WIPF3: variants seen among roughly 807,000 people sequenced by gnomAD.
WIPF3 encodes WAS/WASL-interacting protein family member 3.
WIPF3 carries 33 observed loss-of-function variants against 38.9 expected under a neutral mutation model. That is an observed-to-expected ratio of 0.85 (90% CI 0.64 to 1.14). The LOEUF (loss-of-function observed/expected upper bound fraction) is 1.14. Ranked by LOEUF, WIPF3 falls within the 50% of genes most tolerant of loss-of-function variation. The probability of loss-of-function intolerance (pLI) is 0.00; values close to 1 mark genes in which losing one functional copy is unlikely to be tolerated. For missense variants in WIPF3, 711 were observed against 652.5 expected (o/e 1.09, Z -0.98); for synonymous variants, 324 against 269.3 (o/e 1.20, Z -1.99).
intron 7 of WIPF3, 102 bp downstream of exon 7, chr7:29,889,509 T>C: frequency 2.4e-6 from 2 of 843,094 alleles, no homozygotes; most frequent in Non-Finnish European, 3.9e-6. Context: ...GATGATGTCA[T>C]GATTTCACTG....
rs984478842 is a variant in WIPF3 at position 29,834,822 on chromosome 7, CT to C, written c.90+15del. On this transcript the variant is annotated intron_variant, in intron 2 of 8. Coordinates refer to ENST00000242140, the MANE Select transcript of WIPF3 (RefSeq NM_001080529.3). ...CCACCATCAGCACCCCCGGTAAGAC[CT>C]TTTTTTCTGATTGGTTTACTGTGGA... 1.2e-5 allele frequency: 18 copies of C among 1,536,518 alleles called. No homozygotes were observed. Among genetic ancestry groups the C allele is most frequent in the Middle Eastern group, 1.8e-4 (1 of 5,596 alleles).
chr7:29,840,106 C>G (rs1186516335), intron 2 of WIPF3, among the ~76,000 whole-genome samples: 2 of 152,212 alleles, frequency 1.3e-5, no homozygotes. Flanking sequence ...GTCCCGCAGT[C>G]AGCTGGGCTC....
intron 3 of WIPF3, 51 bp downstream of exon 3, chr7:29,876,013 A>G: frequency 6.3e-7 from 1 of 1,598,728 alleles, no homozygotes. Context: ...CAGGACAGGC[A>G]TGTGAGGCAC....
intron 1 of WIPF3, among the ~76,000 whole-genome samples, chr7:29,807,900 G>C (rs1319176375): frequency 6.6e-6 from 1 of 152,132 alleles, no homozygotes; most frequent in Non-Finnish European, 1.5e-5. Flanking sequence ...GGGAGGACTG[G>C]GAGTGCACTT....
chr7:29,906,530 G>T (rs1786400801), intron 8 of WIPF3, among the ~76,000 whole-genome samples: 1 of 152,086 alleles, frequency 6.6e-6, no homozygotes, highest in Non-Finnish European at 1.5e-5. Flanking sequence ...AAGCCTAAGA[G>T]ACCTGTGGGA....
chr7:29,897,267 C>G (rs1248340195), intron 7 of WIPF3, among the ~76,000 whole-genome samples: 1 of 152,182 alleles, frequency 6.6e-6, no homozygotes, highest in Non-Finnish European at 1.5e-5. Context: ...CACCTCTTAA[C>G]TTCTGTGAAT....
chr7:29,875,959 G>C lies in WIPF3; in HGVS notation c.220G>C (p.Glu74Gln). The C allele has an allele frequency of 1.2e-6, 2 of 1,613,376 alleles. No individual in the cohort carries two copies. Among genetic ancestry groups the C allele is most frequent in the Non-Finnish European group, 1.7e-6 (2 of 1,179,600 alleles). The change falls in exon 3 of 9, where the codon GAG (glutamate) becomes CAG (glutamine). Residue 74 changes from glutamate to glutamine, a missense_variant. By Grantham distance (29) the Glu-to-Gln change is conservative. Coordinates refer to ENST00000242140, the MANE Select transcript of WIPF3 (RefSeq NM_001080529.3). The part of the protein sequence containing the change: ...QINDRSAPQI[E>Q]SSKGTNKEGG... ...CAACGACCGCAGTGCCCCGCAGATC[G>C]AGAGTAAGTGAGCAGCCGGGCCAGG...
rs542968826 is a variant in WIPF3 at position 29,844,629 on chromosome 7, C to T, written c.90+9815C>T. On this transcript the variant is annotated intron_variant, in intron 2 of 8. Transcript: ENST00000242140. The surrounding 1 kb of genome is among the most constrained non-coding windows in gnomAD (Gnocchi z 4.8). ...CCGTGTGCCCCACTGCCTCCAGCTG[C>T]GTGAACGGGTTCAGTAAGTGGTACT... Among the ~76,000 whole-genome samples the T allele has an allele frequency of 2.7e-4, 41 of 152,274 alleles. No individual in the cohort carries two copies. Among genetic ancestry groups the T allele is most frequent in the African/African-American group, 9.6e-4 (40 of 41,550 alleles).
At chr7:29,914,066 A>AC (rs1298892422) in intron 8 of WIPF3, among the ~76,000 whole-genome samples, 1 of 152,144 alleles carries the variant, frequency 6.6e-6, no homozygotes, top group Non-Finnish European at 1.5e-5. Context: ...TGCAAACAAT[A>AC]CCCCAGGGAC....
chr7:29,855,858 C>A (rs1785180505), intron 2 of WIPF3, among the ~76,000 whole-genome samples: 1 of 152,170 alleles, frequency 6.6e-6, no homozygotes, highest in African/African-American at 2.4e-5. Flanking sequence ...GTACAGGACA[C>A]CCTGTTAAAC....
intron 1 of WIPF3, among the ~76,000 whole-genome samples, chr7:29,817,759 ATTTG>A (rs906939806): frequency 6.6e-5 from 10 of 152,096 alleles, no homozygotes; most frequent in African/African-American, 2.2e-4. Context: ...TGGCTTTATT[ATTTG>A]TTTATTATCC....
At chr7:29,912,768 T>C (rs1192553140) in intron 8 of WIPF3, 2 of 152,276 alleles carry the variant, frequency 1.3e-5, no homozygotes, top group African/African-American at 2.4e-5. Context: ...TAAAATATGC[T>C]TCAACATGGA....
At chr7:29,872,798 C>CAAAAAAAAA (rs61693654) in intron 2 of WIPF3, among the ~76,000 whole-genome samples, 3 of 31,048 alleles carry the variant, frequency 9.7e-5, no homozygotes, top group African/African-American at 1.4e-4. Flanking sequence ...GACTCCATCT[C>CAAAAAAAAA]AAAAAAAAAA....
intron 8 of WIPF3, chr7:29,906,034 A>G (rs543867811): frequency 1.3e-5 from 2 of 152,328 alleles, no homozygotes; most frequent in South Asian, 2.1e-4. Context: ...AAAATGAACA[A>G]AAACAATAAG....
chr7:29,828,311 T>C (rs1784657288), intron 1 of WIPF3, among the ~76,000 whole-genome samples: 1 of 152,168 alleles, frequency 6.6e-6, no homozygotes, highest in Non-Finnish European at 1.5e-5. Flanking sequence ...ACATATATAA[T>C]TTTTTATTAA....
At chr7:29,821,936 T>G (rs1388760553) in intron 1 of WIPF3, among the ~76,000 whole-genome samples, 1 of 152,118 alleles carries the variant, frequency 6.6e-6, no homozygotes, top group Non-Finnish European at 1.5e-5. Flanking sequence ...TTGCTAGATA[T>G]TCTCAGAGTC....
chr7:29,834,580 A>C (rs1755889228), intron 1 of WIPF3, 88 bp from the exon 2 acceptor site: 6 of 1,171,486 alleles, frequency 5.1e-6, no homozygotes, highest in Non-Finnish European at 6.8e-6. Context: ...AATCAAGCTG[A>C]CTATAATATG....
At chr7:29,890,745 C>T (rs929284096) in intron 7 of WIPF3, among the ~76,000 whole-genome samples, 23 of 130,572 alleles carry the variant, frequency 1.8e-4, no homozygotes, top group African/African-American at 6.2e-4. Context: ...GCCCTGTGCT[C>T]AGGTGGAGGG....
chr7:29,863,244 C>T (rs1218498477), intron 2 of WIPF3, among the ~76,000 whole-genome samples: 1 of 152,132 alleles, frequency 6.6e-6, no homozygotes, highest in African/African-American at 2.4e-5. Context: ...TTCCTTCCAC[C>T]CATAATCCAT....
Sources: gnomAD v4.1 joint callset for allele counts (sites outside exome capture counted in the v4.1 genomes callset) on GRCh38, gnomAD v4.1.1 for gene constraint, Gnocchi (gnomAD v3.1) non-coding constraint, MANE v1.5 for transcripts, NCBI Gene and HGNC (gene_info 2026-07-23, HGNC 2026-07-21) for gene names.